WWC1: variants seen among roughly 807,000 people sequenced by gnomAD.
WWC1 encodes protein KIBRA.
Under a neutral mutation model 138.4 loss-of-function variants are expected in WWC1, and 55 were observed. That is an observed-to-expected ratio of 0.40 (90% CI 0.32 to 0.50). WWC1 has a LOEUF of 0.50. Ranked by LOEUF, WWC1 falls within the 20% of genes least tolerant of loss-of-function variation. WWC1 has a pLI of 0.72. For synonymous variants in WWC1, 524 were observed against 564.9 expected (o/e 0.93, Z 1.03); for missense variants, 1,226 against 1,420.4 (o/e 0.86, Z 2.20).
chr5:168,358,964 GTT>G (rs1406357685), intron 1 of WWC1, among the ~76,000 whole-genome samples: 1 of 151,368 alleles, frequency 6.6e-6, no homozygotes, highest in Non-Finnish European at 1.5e-5. Context: ...TAGTTAATTT[GTT>G]TTTTCTAGAA....
chr5:168,413,399 A>G (rs973344810), intron 8 of WWC1, among the ~76,000 whole-genome samples: 13 of 152,222 alleles, frequency 8.5e-5, no homozygotes, highest in Admixed American at 3.3e-4. Context: ...CTGAAGATCT[A>G]TATAACACCT....
intron 15 of WWC1, among the ~76,000 whole-genome samples, chr5:168,440,708 G>C (rs1054269071): frequency 2.0e-5 from 3 of 152,048 alleles, no homozygotes; most frequent in Admixed American, 1.3e-4. Flanking sequence ...GTAGAAATGG[G>C]GTTTCTCCAT....
intron 16 of WWC1, among the ~76,000 whole-genome samples, chr5:168,443,233 G>A (rs1754952780): frequency 6.6e-6 from 1 of 152,184 alleles, no homozygotes; most frequent in Admixed American, 6.5e-5. Context: ...GGACATACAG[G>A]TAAAGATAAG....
chr5:168,384,051 A>G (rs1355186397), intron 2 of WWC1, among the ~76,000 whole-genome samples: 1 of 152,132 alleles, frequency 6.6e-6, no homozygotes, highest in East Asian at 1.9e-4. Context: ...ATAGTTATTT[A>G]TTCGGTTTTA....
chr5:168,385,887 G>GTGGCTTCCCCTCACTCTTTCCA (rs1417533930), intron 3 of WWC1, among the ~76,000 whole-genome samples: 2 of 152,166 alleles, frequency 1.3e-5, no homozygotes, highest in African/African-American at 4.8e-5. Context: ...ATGCCCTTCA[G>GTGGCTTCCCCTCACTCTTTCCA]TGGCTTCCCC....
At chr5:168,384,604 A>C (rs1038204201) in intron 2 of WWC1, among the ~76,000 whole-genome samples, 1 of 151,976 alleles carries the variant, frequency 6.6e-6, no homozygotes, top group Non-Finnish European at 1.5e-5. Flanking sequence ...TACCTTGAGC[A>C]TCTCTAATGT....
At chr5:168,307,838 C>G (rs1770716942) in intron 1 of WWC1, among the ~76,000 whole-genome samples, 1 of 152,072 alleles carries the variant, frequency 6.6e-6, no homozygotes, top group South Asian at 2.1e-4. Context: ...TCTCGATCTC[C>G]TGACCTCGTG....
rs369875705 is a variant in WWC1 at position 168,455,868 on chromosome 5, A to T, written c.2823+348A>T. Reference sequence around the variant, plus strand: ...ACACAGGCATTTCCTTCCCACCTTCAGGGCAATTCTAGTGTACAGCCTGAG... The same window carrying T: ...ACACAGGCATTTCCTTCCCACCTTCTGGGCAATTCTAGTGTACAGCCTGAG... On this transcript the variant is annotated intron_variant, in intron 19 of 22. Coordinates refer to ENST00000265293, the MANE Select transcript of WWC1 (RefSeq NM_015238.3). 5.3e-5 allele frequency among the ~76,000 whole-genome samples: 8 copies of T among 151,974 alleles called. No individual in the cohort carries two copies. In the South Asian group the frequency reaches 1.7e-3, roughly 32 times the overall value.
chr5:168,361,831 C>T (rs1775903402), intron 1 of WWC1, among the ~76,000 whole-genome samples: 1 of 152,178 alleles, frequency 6.6e-6, no homozygotes, highest in South Asian at 2.1e-4. Context: ...CCTGTAATCC[C>T]AGCACTTTGG....
chr5:168,346,190 G>T (rs1774457237), intron 1 of WWC1, among the ~76,000 whole-genome samples: 1 of 152,020 alleles, frequency 6.6e-6, no homozygotes, highest in South Asian at 2.1e-4. Flanking sequence ...AAGGAGAAGG[G>T]TTTGCTGAGG....
intron 1 of WWC1, among the ~76,000 whole-genome samples, chr5:168,364,816 A>C (rs192408170): frequency 1.4e-4 from 21 of 152,254 alleles, no homozygotes; most frequent in African/African-American, 4.8e-4. Flanking sequence ...ACTTCACCTG[A>C]ATAGCATGGA....
At chr5:168,465,013 C>A in intron 21 of WWC1, 51 bp downstream of exon 21, 2 of 1,591,712 alleles carry the variant, frequency 1.3e-6, no homozygotes, top group Non-Finnish European at 1.7e-6. Flanking sequence ...CCCAGAGAGT[C>A]GGGGGGCACT....
At chr5:168,408,356 C>T in intron 6 of WWC1, 151 bp from the exon 7 acceptor site, 1 of 907,154 alleles carries the variant, frequency 1.1e-6, no homozygotes, top group East Asian at 2.6e-5. Context: ...CCACTCACTG[C>T]TAGCTCTCTA....
At chr5:168,441,928 A>C (rs1754810105) in intron 16 of WWC1, 94 bp downstream of exon 16, 1 of 1,485,264 alleles carries the variant, frequency 6.7e-7, no homozygotes, top group Non-Finnish European at 9.0e-7. Context: ...ATCAGGCGTC[A>C]TGAGAGGAGA....
chr5:168,466,801 C>A (rs1460348674), intron 21 of WWC1, among the ~76,000 whole-genome samples: 1 of 151,900 alleles, frequency 6.6e-6, no homozygotes, highest in African/African-American at 2.4e-5. Flanking sequence ...AAAAAGAGAT[C>A]AGAAAACAAG....
intron 5 of WWC1, among the ~76,000 whole-genome samples, chr5:168,404,010 A>G (rs531791812): frequency 6.6e-6 from 1 of 150,536 alleles, no homozygotes; most frequent in South Asian, 2.1e-4. Context: ...TCATCCCAAT[A>G]GTGTTCCCTC....
intron 6 of WWC1, 83 bp from the exon 7 acceptor site, chr5:168,408,424 G>C: frequency 7.3e-6 from 11 of 1,512,012 alleles, no homozygotes; most frequent in Non-Finnish European, 9.0e-6. Flanking sequence ...AGGGAGGGTA[G>C]AGAGGGAAGC....
chr5:168,354,049 TTTTC>T (rs1775206095), intron 1 of WWC1, among the ~76,000 whole-genome samples: 1 of 152,218 alleles, frequency 6.6e-6, no homozygotes, highest in Admixed American at 6.5e-5. Flanking sequence ...CTTTTTCTTT[TTTTC>T]TTTCTTTTTT....
chr5:168,323,843 A>G (rs138793106), intron 1 of WWC1, among the ~76,000 whole-genome samples: 1 of 152,356 alleles, frequency 6.6e-6, no homozygotes, highest in East Asian at 1.9e-4. Flanking sequence ...CAAACTGCTG[A>G]AAACAAAAGA....
Sources: gnomAD v4.1 joint callset for allele counts (sites outside exome capture counted in the v4.1 genomes callset) on GRCh38, gnomAD v4.1.1 for gene constraint, MANE v1.5 for transcripts, NCBI Gene and HGNC (gene_info 2026-07-23, HGNC 2026-07-21) for gene names.